Variants in NDUFB8 observed in about 807,000 individuals in gnomAD.
NDUFB8 encodes the protein NADH:ubiquinone oxidoreductase subunit B8.
NDUFB8 carries 17 observed loss-of-function variants against 26.0 expected under a neutral mutation model. The observed-to-expected ratio is 0.65, with a 90% CI of 0.45 to 0.98. The LOEUF is 0.98. Among genes scored for constraint, NDUFB8 ranks in the 50% least tolerant of loss-of-function variants. The pLI is 0.00. For missense variants in NDUFB8, 238 were observed against 255.0 expected (o/e 0.93, Z 0.45); for synonymous variants, 89 against 93.1 (o/e 0.96, Z 0.25).
intron 4 of NDUFB8, among the ~76,000 whole-genome samples, chr10:100,525,030 C>T (rs113515279): frequency 2.1e-4 from 32 of 152,316 alleles, no homozygotes; most frequent in African/African-American, 7.7e-4. Flanking sequence ...TATTTTTTAA[C>T]ACAGTGATTT....
In NDUFB8 at chr10:100,529,372, T is replaced by C. The variant is rs145628277; in HGVS notation, c.212+8A>G. On this transcript the variant is annotated splice_region_variant and intron_variant, in intron 2 of 4. Coordinates refer to ENST00000299166, the MANE Select transcript of NDUFB8 (RefSeq NM_005004.4). ...TACTTGGGTGCGAGCATACCCTCTC[T>C]GTCTCACCCCATGCCATCATCCGGG... 1.5e-4 allele frequency: 247 copies of C among 1,595,708 alleles called. No individual in the cohort carries two copies. Among genetic ancestry groups the C allele is most frequent in the Non-Finnish European group, 2.0e-4 (234 of 1,173,200 alleles).
rs1430566611 is a variant in NDUFB8 at position 100,524,052 on chromosome 10, G to A, written c.469-123C>T. The A allele has an allele frequency of 6.3e-7, 1 of 1,582,858 alleles. No homozygotes were observed. Among genetic ancestry groups the A allele is most frequent in the Admixed American group, 1.8e-5 (1 of 54,072 alleles). On this transcript the variant is annotated intron_variant, in intron 4 of 4. Coordinates refer to ENST00000299166, the MANE Select transcript of NDUFB8 (RefSeq NM_005004.4). The surrounding 1 kb of genome is among the most constrained non-coding windows in gnomAD (Gnocchi z 4.0). ...CAGTAGCCTCTGGTCAGACCCAGCT[G>A]GGCTAGGAAGGCAGGAACAGCACTC...
At position 100,527,082 on chromosome 10, in the gene NDUFB8, A is replaced by ACAG. The variant is rs780864175; in HGVS notation, c.213-11_213-9dup. 9.3e-6 allele frequency: 15 copies of ACAG among 1,612,502 alleles called. No homozygotes were observed. The highest frequency in any genetic ancestry group is 1.2e-5 in the Non-Finnish European group (14 of 1,178,616). ...TTCGGGTAGTCGCCATACCTGAAAGACAGCAAGAACTTCTGGAAAGGGCTG... is the reference window on the plus strand; with the variant it reads ...TTCGGGTAGTCGCCATACCTGAAAGACAGCAGCAAGAACTTCTGGAAAGGGCTG... On this transcript the variant is annotated splice_polypyrimidine_tract_variant and intron_variant, in intron 2 of 4. Transcript: ENST00000299166.
chr10:100,526,250 C>A, intron 4 of NDUFB8, 149 bp downstream of exon 4: 1 of 845,040 alleles, frequency 1.2e-6, no homozygotes. Context: ...TGTGGCAGGC[C>A]AATGGGTCAA....
At chr10:100,529,292 T>C (rs923826800) in intron 2 of NDUFB8, 88 bp downstream of exon 2, 1 of 1,189,494 alleles carries the variant, frequency 8.4e-7, no homozygotes, top group Admixed American at 4.0e-5. Context: ...ACGAGAAGGT[T>C]CGGGAAAAAG....
chr10:100,526,499 G>C lies in NDUFB8; in HGVS notation c.368C>G (p.Pro123Arg), dbSNP rs74154666. 237 of 1,611,486 alleles carry C rather than the reference G, an allele frequency of 1.5e-4. No individual in the cohort carries two copies. In the African/African-American group the frequency reaches 2.6e-3, roughly 18 times the overall value. ...NRNRVDTSPT[P>R]VSWHVMCMQL... is the part of the protein sequence containing the mutation. ...CATACACATGACATGCCAAGAAACA[G>C]GTGTGGGGGATGTATCCACACGGTT... The change falls in exon 4 of 5, where the codon CCT (proline) becomes CGT (arginine). Residue 123 changes from proline (P) to arginine (R), a missense_variant. Physicochemically the swap from Pro to Arg is moderately radical, Grantham distance 103. Transcript: ENST00000299166.
chr10:100,529,697 T>TC (rs1852117423), intron 1 of NDUFB8, 70 bp downstream of exon 1: 7 of 1,558,426 alleles, frequency 4.5e-6, no homozygotes, highest in South Asian at 3.4e-5. Context: ...GCATCTACGA[T>TC]CCCCCCTCCC....
rs1447852235 is a variant in NDUFB8, at chr10:100,523,943, C to T, written c.469-14G>A. ...CTGCTTTGGTCCCTACAGAAAAAAA[C>T]ACAGGTCAGCAAGAACATACATTCA... is the stretch of plus-strand genomic sequence containing the variant. On this transcript the variant is annotated splice_polypyrimidine_tract_variant and intron_variant, in intron 4 of 4. Coordinates refer to ENST00000299166, the MANE Select transcript of NDUFB8 (RefSeq NM_005004.4). 5.0e-6 allele frequency: 8 copies of T among 1,614,064 alleles called. No homozygotes were observed. Among genetic ancestry groups the T allele is most frequent in the Non-Finnish European group, 6.8e-6 (8 of 1,180,016 alleles).
rs866796358 is a variant in NDUFB8, at chr10:100,529,847, G to C, written c.5C>G (p.Ala2Gly). Residue 2 changes from alanine to glycine, a missense_variant, in exon 1 of 5, where the codon GCG (alanine) becomes GGG (glycine). Coordinates refer to ENST00000299166, the MANE Select transcript of NDUFB8 (RefSeq NM_005004.4). MAVARAGVLGVQ... is the reference protein window; with the variant it reads MGVARAGVLGVQ... ...TCCCAAGACCCCGGCCCTGGCCACCGCCATCTTCACCTTCTTCACGTTTCC... is the reference window on the plus strand; with the variant it reads ...TCCCAAGACCCCGGCCCTGGCCACCCCCATCTTCACCTTCTTCACGTTTCC... 1 of 1,613,452 alleles carries C rather than the reference G, an allele frequency of 6.2e-7. No homozygotes were observed. The highest frequency in any genetic ancestry group is 8.5e-7 in the Non-Finnish European group (1 of 1,179,810).
At position 100,523,753 on chromosome 10, in the gene NDUFB8, A is replaced by C. The variant is rs1003789817; in HGVS notation, c.*84T>G. On this transcript the variant is annotated 3_prime_UTR_variant, in exon 5 of 5. Transcript: ENST00000299166. ...ATGAGGCACAAATAACACAGCACTG[A>C]GTTTTATTAGGGATTTCATTAAGGT... 2.3e-6 allele frequency: 3 copies of C among 1,277,506 alleles called. No homozygotes were observed. The highest frequency in any genetic ancestry group is 3.0e-5 in the African/African-American group (2 of 67,428). The allele number at this position is 1,277,506 out of a possible 1,614,324, so 79.1% of individuals were successfully genotyped here. A position where few individuals can be genotyped will look rare whatever the true frequency, so the allele number is the denominator to read the frequency against.
At chr10:100,528,752 A>C (rs1200611763) in intron 2 of NDUFB8, among the ~76,000 whole-genome samples, 2 of 152,230 alleles carry the variant, frequency 1.3e-5, no homozygotes, top group Admixed American at 1.3e-4. Context: ...AGATTGAAAG[A>C]GTGACATTAG....
chr10:100,524,279 C>A lies in NDUFB8; in HGVS notation c.469-350G>T. 1 of 750,192 alleles carries A rather than the reference C, an allele frequency of 1.3e-6. No homozygotes were observed. Among genetic ancestry groups the A allele is most frequent in the South Asian group, 1.7e-5 (1 of 59,850 alleles). 46.5% of individuals were successfully genotyped at this position (750,192 alleles called of 1,614,324 possible). On this transcript the variant is annotated intron_variant, in intron 4 of 4. Transcript: ENST00000299166. This position sits in a 1 kb window ranked among gnomAD's most constrained non-coding sequence, Gnocchi z 4.0. ...CACTTTCTAAATGAGACGATGCATC[C>A]ATCCATCCCACTCTCTCTCGGGGTC...
chr10:100,529,802 G>A lies in NDUFB8; in HGVS notation c.50C>T (p.Ala17Val), dbSNP rs139653725. The A allele has an allele frequency of 6.2e-7, 1 of 1,613,770 alleles. No homozygotes were observed. Among genetic ancestry groups the A allele is most frequent in the Non-Finnish European group, 8.5e-7 (1 of 1,179,928 alleles). Residue 17 changes from alanine to valine, a missense_variant, in exon 1 of 5, where the codon GCA becomes GTA. Ala to Val is a moderately conservative substitution (Grantham distance 64). Transcript: ENST00000299166. The part of the protein sequence containing the change: ...GVLGVQWLQR[A>V]SRNVMPLGAR... ...GCCCAGCGGCATCACGTTCCGGGATGCCCTTTGCAGCCACTGGACTCCCAA... is the reference window on the plus strand; with the variant it reads ...GCCCAGCGGCATCACGTTCCGGGATACCCTTTGCAGCCACTGGACTCCCAA...
intron 2 of NDUFB8, among the ~76,000 whole-genome samples, chr10:100,528,617 C>T (rs1361275901): frequency 6.6e-6 from 1 of 152,204 alleles, no homozygotes; most frequent in African/African-American, 2.4e-5. Flanking sequence ...CCAGGTTCAT[C>T]TGACACTGGC....
chr10:100,529,907 T>G, upstream of NDUFB8: 1 of 1,573,980 alleles, frequency 6.4e-7, no homozygotes, highest in Non-Finnish European at 8.7e-7. Flanking sequence ...TCACGGCGGC[T>G]GAGCCGGGCC....
chr10:100,529,913 G>C, upstream of NDUFB8: 1 of 1,551,128 alleles, frequency 6.4e-7, no homozygotes, highest in South Asian at 1.2e-5. Context: ...CGGCTGAGCC[G>C]GGCCAAACGT....
intron 3 of NDUFB8, 61 bp from the exon 4 acceptor site, chr10:100,526,615 C>T (rs532578528): frequency 1.8e-5 from 29 of 1,586,748 alleles, no homozygotes; most frequent in Non-Finnish European, 2.4e-5. Context: ...CAGGCAAGTC[C>T]CCAGTGATTA....
At chr10:100,528,192 T>G (rs538841271) in intron 2 of NDUFB8, among the ~76,000 whole-genome samples, 1 of 152,342 alleles carries the variant, frequency 6.6e-6, no homozygotes, top group South Asian at 2.1e-4. Flanking sequence ...TGTGTTACAA[T>G]TTCCCACAGT....
intron 4 of NDUFB8, among the ~76,000 whole-genome samples, chr10:100,525,888 G>A (rs1289759745): frequency 1.3e-5 from 2 of 152,074 alleles, no homozygotes; most frequent in Non-Finnish European, 2.9e-5. Context: ...TGTTGCTCAT[G>A]TAACTTATCT....
Sources: gnomAD v4.1 joint callset for allele counts (sites outside exome capture counted in the v4.1 genomes callset) on GRCh38, gnomAD v4.1.1 for gene constraint, Gnocchi (gnomAD v3.1) non-coding constraint, MANE v1.5 for transcripts, NCBI Gene and HGNC (gene_info 2026-07-23, HGNC 2026-07-21) for gene names.